Variants in STXBP5L observed in about 807,000 individuals in gnomAD.
STXBP5L encodes the protein syntaxin-binding protein 5-like.
In STXBP5L, 65 loss-of-function variants were observed where a neutral mutation model predicts 144.5. The ratio of observed to expected loss-of-function variants is 0.45; its 90% confidence interval spans 0.37 to 0.55. The LOEUF (loss-of-function observed/expected upper bound fraction) is 0.55. Among genes scored for constraint, STXBP5L ranks in the 20% least tolerant of loss-of-function variants. The pLI, the probability that STXBP5L is intolerant of heterozygous loss-of-function variation, is 0.00. For synonymous variants in STXBP5L, 505 were observed against 469.6 expected, an observed-to-expected ratio of 1.08 and a Z score of -0.97; for missense variants, 1,298 against 1,405.5, an observed-to-expected ratio of 0.92 and a Z score of 1.22.
At chr3:121,055,068 T>A (rs1457406243) in intron 5 of STXBP5L, among the ~76,000 whole-genome samples, 4 of 152,192 alleles carry the variant, frequency 2.6e-5, no homozygotes, top group Non-Finnish European at 5.9e-5. Flanking sequence ...AAGAGCAAGC[T>A]GACAGATTTG....
intron 3 of STXBP5L, among the ~76,000 whole-genome samples, chr3:120,992,876 A>G (rs1943038952): frequency 6.6e-6 from 1 of 152,010 alleles, no homozygotes; most frequent in Non-Finnish European, 1.5e-5. Context: ...AGGAACCTTA[A>G]TATTGTTTTC....
intron 3 of STXBP5L, among the ~76,000 whole-genome samples, chr3:120,984,632 CTT>C (rs35656223): frequency 0.02 from 1,403 of 71,936 alleles, 15 homozygotes; most frequent in African/African-American, 0.078. Context: ...TCTTTCTTTC[CTT>C]TTTTTTTTTT....
At chr3:121,129,044 G>A (rs1378680782) in intron 7 of STXBP5L, among the ~76,000 whole-genome samples, 1 of 151,954 alleles carries the variant, frequency 6.6e-6, no homozygotes, top group Non-Finnish European at 1.5e-5. Flanking sequence ...TTTTAAAAAA[G>A]CAATTATGGT....
At chr3:120,978,176 A>G (rs894605399) in intron 3 of STXBP5L, among the ~76,000 whole-genome samples, 4 of 152,146 alleles carry the variant, frequency 2.6e-5, no homozygotes, top group East Asian at 1.9e-4. Flanking sequence ...TCACTTTCAG[A>G]TACACCAATC....
At chr3:121,376,794 A>T (rs940985732) in intron 20 of STXBP5L, among the ~76,000 whole-genome samples, 1 of 152,208 alleles carries the variant, frequency 6.6e-6, no homozygotes, top group Non-Finnish European at 1.5e-5. Context: ...TGGGAATAGC[A>T]TTGAATCTAT....
intron 5 of STXBP5L, among the ~76,000 whole-genome samples, chr3:121,097,477 G>A (rs1040891866): frequency 6.6e-6 from 1 of 152,240 alleles, no homozygotes; most frequent in African/African-American, 2.4e-5. Flanking sequence ...CTGCGGGGTT[G>A]CAAAGACCAT....
chr3:121,188,215 C>A (rs898373842), intron 9 of STXBP5L, among the ~76,000 whole-genome samples: 3 of 152,132 alleles, frequency 2.0e-5, no homozygotes, highest in East Asian at 3.8e-4. Flanking sequence ...CTCTCCACCC[C>A]AAATCAATAG....
At chr3:121,266,004 A>G (rs1399192216) in intron 18 of STXBP5L, among the ~76,000 whole-genome samples, 10 of 152,124 alleles carry the variant, frequency 6.6e-5, no homozygotes, top group African/African-American at 2.2e-4. Flanking sequence ...CCAACCAAAA[A>G]ATGTCCAGGA....
intron 3 of STXBP5L, among the ~76,000 whole-genome samples, chr3:120,962,588 G>A (rs940568989): frequency 3.3e-5 from 5 of 152,132 alleles, no homozygotes; most frequent in African/African-American, 1.2e-4. Context: ...GATGGTTGTA[G>A]ATGTGTGGCA....
intron 20 of STXBP5L, among the ~76,000 whole-genome samples, chr3:121,332,876 A>G (rs1415447283): frequency 6.6e-6 from 1 of 152,086 alleles, no homozygotes; most frequent in Non-Finnish European, 1.5e-5. Flanking sequence ...AAAAAAAAGC[A>G]TCAGGTAACC....
chr3:121,016,766 T>G (rs1261418210), intron 3 of STXBP5L, among the ~76,000 whole-genome samples: 4 of 152,198 alleles, frequency 2.6e-5, no homozygotes, highest in Non-Finnish European at 5.9e-5. Context: ...TAGGCCTGTA[T>G]CTATTGAAGA....
intron 11 of STXBP5L, among the ~76,000 whole-genome samples, chr3:121,225,432 T>C (rs1231346744): frequency 6.6e-6 from 1 of 152,074 alleles, no homozygotes; most frequent in Non-Finnish European, 1.5e-5. Context: ...ATAACACTAA[T>C]ATTATTTCAC....
chr3:121,140,819 A>T (rs1286217968), intron 7 of STXBP5L, among the ~76,000 whole-genome samples: 1 of 152,204 alleles, frequency 6.6e-6, no homozygotes, highest in Non-Finnish European at 1.5e-5. Flanking sequence ...ATTGTAAGAT[A>T]TCTAATGTAT....
intron 20 of STXBP5L, among the ~76,000 whole-genome samples, chr3:121,370,577 A>G (rs1473580738): frequency 1.3e-5 from 2 of 152,178 alleles, no homozygotes; most frequent in Non-Finnish European, 2.9e-5. Flanking sequence ...ATGGACTAAT[A>G]CAGATGATAT....
At chr3:121,054,419 G>A (rs553841983) in intron 5 of STXBP5L, among the ~76,000 whole-genome samples, 20 of 152,166 alleles carry the variant, frequency 1.3e-4, no homozygotes, top group Non-Finnish European at 2.4e-4. Flanking sequence ...CCATAAAAAG[G>A]ATGAGTTCAT....
At chr3:121,151,760 T>C (rs1029919912) in intron 7 of STXBP5L, among the ~76,000 whole-genome samples, 6 of 152,050 alleles carry the variant, frequency 3.9e-5, no homozygotes, top group African/African-American at 1.4e-4. Flanking sequence ...TTTTCTGTCA[T>C]TGGTAACAAA....
intron 3 of STXBP5L, among the ~76,000 whole-genome samples, chr3:120,985,230 G>C (rs942124560): frequency 6.6e-6 from 1 of 152,000 alleles, no homozygotes; most frequent in African/African-American, 2.4e-5. Flanking sequence ...GTTTGAGAAG[G>C]ATTGGTTTTA....
intron 7 of STXBP5L, among the ~76,000 whole-genome samples, chr3:121,147,660 A>G (rs1166394772): frequency 6.6e-6 from 1 of 152,124 alleles, no homozygotes; most frequent in African/African-American, 2.4e-5. Context: ...AGGTAACCAA[A>G]TATTGGTCAA....
intron 22 of STXBP5L, among the ~76,000 whole-genome samples, chr3:121,388,823 G>A (rs928921407): frequency 3.3e-5 from 5 of 152,210 alleles, no homozygotes; most frequent in Non-Finnish European, 5.9e-5. Context: ...TCACATCGAT[G>A]TTCATCACAG....
Sources: gnomAD v4.1 joint callset for allele counts (sites outside exome capture counted in the v4.1 genomes callset) on GRCh38, gnomAD v4.1.1 for gene constraint, MANE v1.5 for transcripts, NCBI Gene and HGNC (gene_info 2026-07-23, HGNC 2026-07-21) for gene names.